SHANK2: variants seen among roughly 807,000 people sequenced by gnomAD.
The protein encoded by SHANK2 is SH3 and multiple ankyrin repeat domains 2.
A neutral mutation model predicts 133.7 loss-of-function variants in SHANK2; 43 were observed. That is an observed-to-expected ratio of 0.32 (90% confidence interval 0.25 to 0.41). The LOEUF (loss-of-function observed/expected upper bound fraction) is 0.41, where lower values mean the gene tolerates loss of function less well. Ranked by LOEUF, SHANK2 falls within the 10% of genes least tolerant of loss-of-function variation. SHANK2 has a pLI of 1.00. For synonymous variants in SHANK2, 1,017 were observed against 952.8 expected, an observed-to-expected ratio of 1.07 and a Z score of -1.24; for missense variants, 1,994 against 2,235.8, an observed-to-expected ratio of 0.89 and a Z score of 2.18.
At chr11:71,221,260 A>C (rs2135729440) in intron 2 of SHANK2, among the ~76,000 whole-genome samples, 1 of 152,286 alleles carries the variant, frequency 6.6e-6, no homozygotes, top group South Asian at 2.1e-4. Flanking sequence ...TATCTTGCTA[A>C]GACTTTAAAA....
At chr11:70,670,356 C>T (rs1944773372) in intron 15 of SHANK2, among the ~76,000 whole-genome samples, 1 of 152,224 alleles carries the variant, frequency 6.6e-6, no homozygotes, top group South Asian at 2.1e-4. Flanking sequence ...AAAGATGAGG[C>T]TAAGCAGAGA....
At chr11:70,557,162 TCA>T in intron 17 of SHANK2, among the ~76,000 whole-genome samples, 1 of 151,256 alleles carries the variant, frequency 6.6e-6, no homozygotes, top group Non-Finnish European at 1.5e-5. Context: ...ATTCATTCAT[TCA>T]TTCATTCATT....
intron 17 of SHANK2, among the ~76,000 whole-genome samples, chr11:70,576,778 C>T (rs370016861): frequency 1.9e-4 from 29 of 152,302 alleles, no homozygotes; most frequent in African/African-American, 2.4e-4. Flanking sequence ...TGTGAGGCAA[C>T]GAAAGCCCCT....
At chr11:71,235,359 C>T (rs941483097) in intron 1 of SHANK2, among the ~76,000 whole-genome samples, 2 of 151,918 alleles carry the variant, frequency 1.3e-5, no homozygotes, top group African/African-American at 2.4e-5. Context: ...TTTGGGAGGC[C>T]GAGGCAGGTG....
chr11:70,587,099 T>G (rs2060264329), intron 17 of SHANK2, among the ~76,000 whole-genome samples: 1 of 152,202 alleles, frequency 6.6e-6, no homozygotes, highest in African/African-American at 2.4e-5. Context: ...CCACTCCCTT[T>G]GCTGAGGGCC....
At chr11:70,533,728 C>T (rs7105011) in intron 17 of SHANK2, among the ~76,000 whole-genome samples, 7,839 of 152,140 alleles carry the variant, frequency 0.052, 711 homozygotes, top group African/African-American at 0.18. Flanking sequence ...GTTGTGCAAG[C>T]ACCACCTCTA....
At chr11:71,180,621 A>G (rs7110301) in intron 2 of SHANK2, among the ~76,000 whole-genome samples, 5,942 of 152,258 alleles carry the variant, frequency 0.039, 202 homozygotes, top group African/African-American at 0.091. Flanking sequence ...GAAAACATCT[A>G]CAGATGGCAT....
intron 17 of SHANK2, among the ~76,000 whole-genome samples, chr11:70,505,573 C>T (rs1345014167): frequency 6.6e-6 from 1 of 152,126 alleles, no homozygotes; most frequent in African/African-American, 2.4e-5. Flanking sequence ...ACCAGCTTTC[C>T]TGCTCTGGGC....
intron 10 of SHANK2, among the ~76,000 whole-genome samples, chr11:70,914,214 TG>T (rs34748711): frequency 6.6e-6 from 1 of 152,072 alleles, no homozygotes; most frequent in African/African-American, 2.4e-5. Context: ...AATCGGGCTC[TG>T]GGGCTCATAC....
intron 17 of SHANK2, among the ~76,000 whole-genome samples, chr11:70,568,646 G>GCCCCCCCCCCCCCCCCCC (rs66982078): frequency 3.8e-5 from 3 of 79,966 alleles, no homozygotes; most frequent in Non-Finnish European, 5.7e-5. Flanking sequence ...GCGGATTCCT[G>GCCCCCCCCCCCCCCCCCC]CCCCCCCCGC....
intron 12 of SHANK2, among the ~76,000 whole-genome samples, chr11:70,808,924 C>A (rs890991415): frequency 1.1e-4 from 17 of 152,122 alleles, no homozygotes; most frequent in Non-Finnish European, 2.4e-4. Context: ...GCGGCCCCAG[C>A]GAACCACGCT....
At chr11:70,725,199 G>A (rs1289307356) in intron 14 of SHANK2, among the ~76,000 whole-genome samples, 1 of 152,186 alleles carries the variant, frequency 6.6e-6, no homozygotes, top group African/African-American at 2.4e-5. Context: ...AGGGAGGGAT[G>A]TTTTTCTACT....
At chr11:70,511,855 C>A (rs2059208335) in intron 17 of SHANK2, among the ~76,000 whole-genome samples, 1 of 152,196 alleles carries the variant, frequency 6.6e-6, no homozygotes, top group Admixed American at 6.5e-5. Context: ...TAATTCTCTT[C>A]TTCCACTTAA....
At chr11:70,618,693 G>A (rs75586371) in intron 17 of SHANK2, among the ~76,000 whole-genome samples, 2,130 of 152,340 alleles carry the variant, frequency 0.014, 22 homozygotes, top group Middle Eastern at 0.02. Flanking sequence ...CAGGCTTCTG[G>A]GTTAAATCAG....
At chr11:70,822,771 ATGGGGGACAGAGGTGG>A (rs1948553899) in intron 11 of SHANK2, among the ~76,000 whole-genome samples, 1 of 106,768 alleles carries the variant, frequency 9.4e-6, no homozygotes, top group East Asian at 3.3e-4. Context: ...GGCAGAGGTC[ATGGGGGACAGAGGTGG>A]CGCTGGCAGA....
chr11:70,901,046 C>A (rs1950015121), intron 10 of SHANK2, among the ~76,000 whole-genome samples: 1 of 152,068 alleles, frequency 6.6e-6, no homozygotes, highest in Non-Finnish European at 1.5e-5. Flanking sequence ...TGAGTGAGTT[C>A]CCAGGAGCGA....
intron 17 of SHANK2, among the ~76,000 whole-genome samples, chr11:70,616,972 GTGTC>G (rs1424334292): frequency 6.6e-6 from 1 of 152,190 alleles, no homozygotes; most frequent in African/African-American, 2.4e-5. Context: ...GTGTGAGACA[GTGTC>G]TGAGAGTGTG....
At chr11:70,803,515 T>A (rs1948098797) in intron 13 of SHANK2, among the ~76,000 whole-genome samples, 1 of 151,808 alleles carries the variant, frequency 6.6e-6, no homozygotes, top group Admixed American at 6.6e-5. Context: ...TCAGGAATGC[T>A]GCAAAATCAC....
rs1370353433 is a variant in SHANK2 at position 70,512,158 on chromosome 11, T to C, written c.2062-9227A>G. ...TGATTTTGGACCAATTAATTCTTTG[T>C]TGTGGGTGTGCACTGTAGGATGTTT... On this transcript the variant is annotated intron_variant, in intron 17 of 25. Transcript: ENST00000601538. Among the ~76,000 whole-genome samples, 4 of 152,356 alleles carry C rather than the reference T, an allele frequency of 2.6e-5. No homozygotes were observed. In the East Asian group the frequency reaches 7.7e-4, roughly 29 times the overall value.
Sources: allele counts gnomAD v4.1 joint callset (sites outside exome capture counted in the v4.1 genomes callset), GRCh38; gene constraint gnomAD v4.1.1; transcripts MANE v1.5; gene names NCBI Gene and HGNC (gene_info 2026-07-23, HGNC 2026-07-21).